The following RBFOX1 variants were observed in gnomAD, a reference collection of about 807,000 sequenced individuals.
RBFOX1 encodes RNA binding protein fox-1 homolog 1.
A neutral mutation model predicts 57.7 loss-of-function variants in RBFOX1; 8 were observed. The ratio of observed to expected loss-of-function variants is 0.14; its 90% CI spans 0.08 to 0.25. The LOEUF (loss-of-function observed/expected upper bound fraction) is 0.25, where lower values mean the gene tolerates loss of function less well. RBFOX1 is among the 10% of genes least tolerant of loss of function. The pLI is 1.00. For missense variants in RBFOX1, 611 were observed against 548.5 expected (o/e 1.11, Z -1.14); for synonymous variants, 326 against 222.4 (o/e 1.47, Z -4.15).
chr16:5,789,287 G>A (rs942148727), intron 3 of RBFOX1, among the ~76,000 whole-genome samples: 3 of 152,304 alleles, frequency 2.0e-5, no homozygotes, highest in African/African-American at 7.2e-5. Context: ...GGAGCCAGGC[G>A]CATCAGGGAG....
At chr16:6,481,471 G>A (rs1012511555) in intron 2 of RBFOX1, among the ~76,000 whole-genome samples, 43 of 152,280 alleles carry the variant, frequency 2.8e-4, no homozygotes, top group Non-Finnish European at 1.5e-4. Context: ...TCTCTCCATC[G>A]GCCACCCGCA....
At chr16:7,352,500 C>T (rs1304763820) in intron 4 of RBFOX1, among the ~76,000 whole-genome samples, 3 of 152,156 alleles carry the variant, frequency 2.0e-5, no homozygotes, top group Non-Finnish European at 4.4e-5. Context: ...CCACTAAACG[C>T]TTACTCCGGG....
intron 4 of RBFOX1, among the ~76,000 whole-genome samples, chr16:7,516,971 T>C (rs773484006): frequency 2.6e-5 from 4 of 152,140 alleles, no homozygotes; most frequent in Non-Finnish European, 5.9e-5. Flanking sequence ...CCTAGTATCA[T>C]TATATGAGGG....
intron 3 of RBFOX1, among the ~76,000 whole-genome samples, chr16:6,679,770 C>T (rs1031357939): frequency 1.3e-5 from 2 of 151,818 alleles, no homozygotes; most frequent in African/African-American, 4.8e-5. Flanking sequence ...TGTAACTTCC[C>T]TTCCTTTCTG....
At chr16:7,479,002 C>G (rs537097942) in intron 4 of RBFOX1, among the ~76,000 whole-genome samples, 1 of 152,062 alleles carries the variant, frequency 6.6e-6, no homozygotes, top group South Asian at 2.1e-4. Context: ...CTTAGACGTA[C>G]CAGCCACTGT....
At chr16:5,774,364 T>C (rs1271066490) in intron 3 of RBFOX1, among the ~76,000 whole-genome samples, 3 of 152,254 alleles carry the variant, frequency 2.0e-5, no homozygotes, top group African/African-American at 7.2e-5. Context: ...TCATTTCTTA[T>C]GGTGATAGGA....
At chr16:5,886,190 C>T (rs1317135206) in intron 4 of RBFOX1, among the ~76,000 whole-genome samples, 1 of 152,190 alleles carries the variant, frequency 6.6e-6, no homozygotes, top group Non-Finnish European at 1.5e-5. Flanking sequence ...TTCATAAATT[C>T]CCCAGTTTCA....
intron 4 of RBFOX1, among the ~76,000 whole-genome samples, chr16:5,883,847 G>A (rs1455618152): frequency 6.6e-6 from 1 of 152,140 alleles, no homozygotes; most frequent in Non-Finnish European, 1.5e-5. Flanking sequence ...GTGACCTAAT[G>A]CTGTGGTTTA....
chr16:6,661,204 G>A (rs1420623867), intron 3 of RBFOX1, among the ~76,000 whole-genome samples: 1 of 152,136 alleles, frequency 6.6e-6, no homozygotes, highest in Non-Finnish European at 1.5e-5. Context: ...AAGCACACAT[G>A]CAGAAAAGTT....
At chr16:5,582,233 G>A (rs9937932) in intron 2 of RBFOX1, among the ~76,000 whole-genome samples, 32,930 of 152,068 alleles carry the variant, frequency 0.22, 3,571 homozygotes, top group South Asian at 0.32. Context: ...CGACAGGCTG[G>A]TGGGGAGTTA....
At position 6,718,167 on chromosome 16, in the gene RBFOX1, G is replaced by A. The variant is rs1345725805; in HGVS notation, c.-16+63517G>A. Among the ~76,000 whole-genome samples, 7 of 152,134 alleles carry A rather than the reference G, an allele frequency of 4.6e-5. No individual in the cohort carries two copies. The East Asian group carries it at 1.2e-3, about 25-fold the overall frequency. On this transcript the variant is annotated intron_variant, in intron 3 of 15. Transcript: ENST00000550418. The stretch of plus-strand genomic sequence containing the variant: ...CCTTGCAAAGATGTCCCCATCTTTT[G>A]CTTCCATTGTCTCATCAGTAGAAAC...
intron 3 of RBFOX1, among the ~76,000 whole-genome samples, chr16:6,658,931 T>G (rs374207792): frequency 0.026 from 3,700 of 142,020 alleles, 160 homozygotes; most frequent in African/African-American, 0.093. Context: ...TTTTTTGGTT[T>G]TTTTGTTTTT....
At chr16:6,855,994 G>C (rs542838328) in intron 3 of RBFOX1, among the ~76,000 whole-genome samples, 7 of 151,936 alleles carry the variant, frequency 4.6e-5, no homozygotes, top group Admixed American at 3.3e-4. Flanking sequence ...CAGGCCTATT[G>C]ATCCTCCATC....
intron 4 of RBFOX1, among the ~76,000 whole-genome samples, chr16:7,301,349 T>C (rs2096026841): frequency 6.6e-6 from 1 of 152,222 alleles, no homozygotes; most frequent in African/African-American, 2.4e-5. Flanking sequence ...GGTTTAGTTA[T>C]CCAGAGAGCA....
At chr16:5,612,296 C>T (rs548928866) in intron 3 of RBFOX1, among the ~76,000 whole-genome samples, 1 of 151,942 alleles carries the variant, frequency 6.6e-6, no homozygotes, top group South Asian at 2.1e-4. Context: ...CATCCACCCA[C>T]CCACCCACTT....
chr16:5,259,019 G>A (rs1199585233), intron 1 of RBFOX1, among the ~76,000 whole-genome samples: 1 of 152,080 alleles, frequency 6.6e-6, no homozygotes, highest in Non-Finnish European at 1.5e-5. Flanking sequence ...GGGAGGAGGG[G>A]GTGACCTTCA....
chr16:6,851,529 A>G (rs1250884555), intron 3 of RBFOX1, among the ~76,000 whole-genome samples: 2 of 152,202 alleles, frequency 1.3e-5, no homozygotes, highest in Admixed American at 1.3e-4. Flanking sequence ...CATATTTTAC[A>G]TATTAAATTT....
chr16:7,701,056 C>A (rs2080521537), intron 14 of RBFOX1, among the ~76,000 whole-genome samples: 1 of 152,124 alleles, frequency 6.6e-6, no homozygotes, highest in African/African-American at 2.4e-5. Flanking sequence ...TTCCCTCCTA[C>A]TTCTCAGGGG....
intron 1 of RBFOX1, among the ~76,000 whole-genome samples, chr16:6,237,941 AT>A (rs1424406939): frequency 2.0e-5 from 3 of 151,776 alleles, no homozygotes; most frequent in African/African-American, 7.3e-5. Flanking sequence ...AAGTACAAAA[AT>A]TAGCCGGGCG....
Sources: gnomAD v4.1 joint callset for allele counts (sites outside exome capture counted in the v4.1 genomes callset) on GRCh38, gnomAD v4.1.1 for gene constraint, MANE v1.5 for transcripts, NCBI Gene and HGNC (gene_info 2026-07-23, HGNC 2026-07-21) for gene names.